GRIN2A: variants seen among roughly 807,000 people sequenced by gnomAD.
The protein encoded by GRIN2A is glutamate receptor ionotropic, NMDA 2A.
Under a neutral mutation model 113.4 loss-of-function variants are expected in GRIN2A, and 22 were observed. That is an observed-to-expected ratio of 0.19 (90% CI 0.14 to 0.28). The LOEUF is 0.28. GRIN2A is among the 10% of genes least tolerant of loss of function. The pLI, the probability that GRIN2A is intolerant of heterozygous loss-of-function variation, is 1.00. For synonymous variants in GRIN2A, 827 were observed against 738.4 expected, an observed-to-expected ratio of 1.12 and a Z score of -1.94; for missense variants, 1,502 against 1,887.0, an observed-to-expected ratio of 0.80 and a Z score of 3.78.
chr16:9,787,647 AATAC>A (rs1460832014), intron 11 of GRIN2A, among the ~76,000 whole-genome samples: 2 of 152,200 alleles, frequency 1.3e-5, no homozygotes, highest in Admixed American at 6.5e-5. Context: ...TTCATGGATA[AATAC>A]ATACAAGGAC....
At chr16:9,942,354 G>A (rs2044902844) in intron 2 of GRIN2A, among the ~76,000 whole-genome samples, 1 of 152,136 alleles carries the variant, frequency 6.6e-6, no homozygotes, top group Admixed American at 6.5e-5. Context: ...CTAAATTCAA[G>A]TCCTGCCTCT....
chr16:10,022,037 C>T (rs1424957420), intron 2 of GRIN2A, among the ~76,000 whole-genome samples: 2 of 152,166 alleles, frequency 1.3e-5, no homozygotes, highest in East Asian at 3.8e-4. Flanking sequence ...TGCTGTTCCT[C>T]CATGTCCCAC....
intron 3 of GRIN2A, among the ~76,000 whole-genome samples, chr16:9,928,579 G>A (rs1035441020): frequency 1.3e-5 from 2 of 151,522 alleles, no homozygotes; most frequent in African/African-American, 4.8e-5. Context: ...AAGCTCCATC[G>A]CCTCCTCATC....
intron 2 of GRIN2A, among the ~76,000 whole-genome samples, chr16:9,953,963 CAACAG>C (rs1438688237): frequency 1.2e-3 from 187 of 152,218 alleles, no homozygotes; most frequent in African/African-American, 4.2e-3. Context: ...TTCTCAAACA[CAACAG>C]TATTTTAGAG....
At chr16:10,127,226 TG>T (rs1213025834) in intron 2 of GRIN2A, among the ~76,000 whole-genome samples, 1 of 141,486 alleles carries the variant, frequency 7.1e-6, no homozygotes, top group Non-Finnish European at 1.6e-5. Context: ...GATTCAGTCT[TG>T]AAAAAAAAAA....
chr16:9,969,749 C>G (rs1422095089), intron 2 of GRIN2A, among the ~76,000 whole-genome samples: 2 of 152,240 alleles, frequency 1.3e-5, no homozygotes, highest in Non-Finnish European at 2.9e-5. Flanking sequence ...CAGGGTATGA[C>G]TGGCACCCAG....
At chr16:9,935,939 C>T (rs1224210690) in intron 3 of GRIN2A, among the ~76,000 whole-genome samples, 3 of 152,164 alleles carry the variant, frequency 2.0e-5, no homozygotes, top group African/African-American at 7.2e-5. Flanking sequence ...TGGCCTCCAG[C>T]GATCCACCCA....
intron 2 of GRIN2A, among the ~76,000 whole-genome samples, chr16:10,019,994 T>C (rs1047499101): frequency 2.6e-5 from 4 of 152,202 alleles, no homozygotes; most frequent in African/African-American, 4.8e-5. Context: ...ATTAATTCGA[T>C]GGTGGTGATC....
chr16:9,967,996 C>A (rs976819390), intron 2 of GRIN2A, among the ~76,000 whole-genome samples: 1 of 152,164 alleles, frequency 6.6e-6, no homozygotes, highest in Non-Finnish European at 1.5e-5. Flanking sequence ...GGAATTCATA[C>A]AGTGTTTCAT....
intron 2 of GRIN2A, among the ~76,000 whole-genome samples, chr16:9,967,713 A>G (rs978765983): frequency 2.0e-5 from 3 of 152,046 alleles, no homozygotes; most frequent in Non-Finnish European, 4.4e-5. Flanking sequence ...CTCAAAAAAA[A>G]AATTACATAA....
intron 3 of GRIN2A, among the ~76,000 whole-genome samples, chr16:9,925,114 C>A (rs1477599041): frequency 6.6e-6 from 1 of 152,150 alleles, no homozygotes; most frequent in African/African-American, 2.4e-5. Context: ...TTTTGTATTA[C>A]TATAAATATC....
At chr16:10,011,562 C>T (rs562374314) in intron 2 of GRIN2A, among the ~76,000 whole-genome samples, 1 of 152,342 alleles carries the variant, frequency 6.6e-6, no homozygotes, top group Admixed American at 6.5e-5. Flanking sequence ...GATTCACTGA[C>T]TGCTGTGTGC....
intron 2 of GRIN2A, among the ~76,000 whole-genome samples, chr16:10,164,380 C>T (rs28513721): frequency 0.026 from 3,973 of 152,206 alleles, 159 homozygotes; most frequent in African/African-American, 0.091. Flanking sequence ...CGGGACGGAC[C>T]CCGCAAAACC....
rs936144108 is a variant in GRIN2A at position 9,944,362 on chromosome 16, C to T, written c.415-5811G>A. Among the ~76,000 whole-genome samples the T allele has an allele frequency of 3.9e-5, 6 of 152,250 alleles. No individual in the cohort carries two copies. In the South Asian group the frequency reaches 8.3e-4, roughly 21 times the overall value. On this transcript the variant is annotated intron_variant, in intron 2 of 12. Transcript: ENST00000330684. The stretch of plus-strand genomic sequence containing the variant: ...AGGATTCAGATGGATAGCATTCTCA[C>T]GTGCACATAAGCTGAATTGGTCACA...
At chr16:9,850,302 C>G (rs2042861021) in intron 4 of GRIN2A, among the ~76,000 whole-genome samples, 1 of 152,144 alleles carries the variant, frequency 6.6e-6, no homozygotes, top group Non-Finnish European at 1.5e-5. Flanking sequence ...CTTTTAGAAT[C>G]AGAGAGGTCT....
intron 11 of GRIN2A, among the ~76,000 whole-genome samples, chr16:9,795,790 G>A (rs1902947459): frequency 6.6e-6 from 1 of 152,202 alleles, no homozygotes; most frequent in African/African-American, 2.4e-5. Flanking sequence ...TTTCATAGAA[G>A]TATTTGTAAA....
chr16:9,859,624 AC>A (rs2043028516), intron 4 of GRIN2A, among the ~76,000 whole-genome samples: 1 of 151,350 alleles, frequency 6.6e-6, no homozygotes, highest in African/African-American at 2.4e-5. Flanking sequence ...ACACACACAC[AC>A]ACACACACAC....
intron 11 of GRIN2A, among the ~76,000 whole-genome samples, chr16:9,771,377 A>G (rs1901263639): frequency 6.6e-6 from 1 of 151,540 alleles, no homozygotes; most frequent in Admixed American, 6.6e-5. Context: ...ATTTAGCTTT[A>G]TGTTTTAATT....
intron 2 of GRIN2A, among the ~76,000 whole-genome samples, chr16:10,151,868 C>T (rs899807036): frequency 6.6e-6 from 1 of 152,194 alleles, no homozygotes; most frequent in African/African-American, 2.4e-5. Flanking sequence ...TCTGTCTGAC[C>T]TCCGACCCTC....
Sources: allele counts gnomAD v4.1 joint callset (sites outside exome capture counted in the v4.1 genomes callset), GRCh38; gene constraint gnomAD v4.1.1; transcripts MANE v1.5; gene names NCBI Gene and HGNC (gene_info 2026-07-23, HGNC 2026-07-21).